JAKMIP2: variants seen among roughly 807,000 people sequenced by gnomAD.
JAKMIP2 encodes the protein janus kinase and microtubule interacting protein 2.
In JAKMIP2, 25 loss-of-function variants were observed where a neutral mutation model predicts 115.0. The observed-to-expected ratio is 0.22, with a 90% confidence interval of 0.16 to 0.30. The LOEUF is 0.30. Among genes scored for constraint, JAKMIP2 ranks in the 10% least tolerant of loss-of-function variants. The pLI, the probability that JAKMIP2 is intolerant of heterozygous loss-of-function variation, is 1.00. For missense variants in JAKMIP2, 642 were observed against 957.6 expected, an observed-to-expected ratio of 0.67 and a Z score of 4.35; for synonymous variants, 334 against 343.6, an observed-to-expected ratio of 0.97 and a Z score of 0.31.
rs941388784 is a variant in JAKMIP2, at chr5:147,588,847, A to G, written c.*2860T>C. ...TTCAAAAATTTTCAATCATTTAGAAATAGTTACTCATGGAAATAAATTTTG... is the reference window on the plus strand; with the variant it reads ...TTCAAAAATTTTCAATCATTTAGAAGTAGTTACTCATGGAAATAAATTTTG... On this transcript the variant is annotated 3_prime_UTR_variant, in exon 22 of 22. Transcript: ENST00000616793. The G allele has an allele frequency of 1.3e-5, 2 of 152,274 alleles. No homozygotes were observed. Among genetic ancestry groups the G allele is most frequent in the Middle Eastern group, 3.4e-3 (1 of 294 alleles). 9.4% of individuals were successfully genotyped at this position (152,274 alleles called of 1,614,324 possible).
At chr5:147,711,678 G>GT (rs1329628258) in intron 1 of JAKMIP2, among the ~76,000 whole-genome samples, 1 of 152,132 alleles carries the variant, frequency 6.6e-6, no homozygotes, top group Non-Finnish European at 1.5e-5. Context: ...TGTTGTTGTT[G>GT]TTTTTTGAGA....
intron 1 of JAKMIP2, among the ~76,000 whole-genome samples, chr5:147,721,989 C>A (rs1328230267): frequency 6.6e-6 from 1 of 152,148 alleles, no homozygotes; most frequent in Non-Finnish European, 1.5e-5. Flanking sequence ...TAGAGTATTT[C>A]AAAATAATTA....
intron 12 of JAKMIP2, among the ~76,000 whole-genome samples, chr5:147,635,970 A>G (rs1757597994): frequency 1.3e-5 from 2 of 152,176 alleles, no homozygotes; most frequent in Non-Finnish European, 2.9e-5. Flanking sequence ...TGGTTAGCAA[A>G]TCAGGAGGTT....
chr5:147,696,981 A>G (rs533060065), intron 1 of JAKMIP2, among the ~76,000 whole-genome samples: 8 of 152,200 alleles, frequency 5.3e-5, no homozygotes, highest in Non-Finnish European at 8.8e-5. Flanking sequence ...GAAGCAGAGC[A>G]TAAAAGTTTG....
intron 1 of JAKMIP2, among the ~76,000 whole-genome samples, chr5:147,767,317 G>C (rs80256262): frequency 0.016 from 2,423 of 152,232 alleles, 72 homozygotes; most frequent in African/African-American, 0.054. Context: ...CAGTCACAAA[G>C]TCATAAACAC....
chr5:147,664,894 G>T (rs1759217423), intron 2 of JAKMIP2, among the ~76,000 whole-genome samples: 1 of 152,078 alleles, frequency 6.6e-6, no homozygotes, highest in Non-Finnish European at 1.5e-5. Flanking sequence ...CCAGAGGCAA[G>T]AATAATATTT....
intron 1 of JAKMIP2, among the ~76,000 whole-genome samples, chr5:147,696,929 T>C (rs1053219015): frequency 2.0e-5 from 3 of 152,122 alleles, no homozygotes; most frequent in African/African-American, 7.2e-5. Context: ...TGATTTAGGG[T>C]ATCTGGCAGA....
chr5:147,663,412 A>G (rs1759135473), intron 2 of JAKMIP2, among the ~76,000 whole-genome samples: 1 of 152,180 alleles, frequency 6.6e-6, no homozygotes, highest in Non-Finnish European at 1.5e-5. Context: ...CTCTCAGCCT[A>G]CATCTTTCTC....
chr5:147,607,789 G>A (rs1756104431), intron 20 of JAKMIP2, among the ~76,000 whole-genome samples: 1 of 152,154 alleles, frequency 6.6e-6, no homozygotes, highest in Non-Finnish European at 1.5e-5. Flanking sequence ...ATTCAGCTGT[G>A]AATCCGCCTG....
intron 10 of JAKMIP2, among the ~76,000 whole-genome samples, chr5:147,639,181 C>A (rs921151961): frequency 1.2e-4 from 19 of 152,178 alleles, no homozygotes; most frequent in African/African-American, 4.3e-4. Context: ...AAAATATCTG[C>A]CTTAGGGGAC....
intron 1 of JAKMIP2, among the ~76,000 whole-genome samples, chr5:147,691,984 T>C (rs1376222444): frequency 3.9e-5 from 6 of 152,048 alleles, no homozygotes; most frequent in Non-Finnish European, 8.8e-5. Context: ...CTTCCATAGA[T>C]TCTAATCATC....
intron 1 of JAKMIP2, among the ~76,000 whole-genome samples, chr5:147,716,095 T>A (rs1354745100): frequency 6.8e-6 from 1 of 147,106 alleles, no homozygotes; most frequent in Non-Finnish European, 1.5e-5. Context: ...ATATGCAGTG[T>A]TTGGTTTTTT....
chr5:147,702,574 AAG>A (rs1242176312), intron 1 of JAKMIP2, among the ~76,000 whole-genome samples: 1 of 129,590 alleles, frequency 7.7e-6, no homozygotes, highest in African/African-American at 3.1e-5. Flanking sequence ...GAAAGAAAGA[AAG>A]AAGGAAAGAA....
intron 1 of JAKMIP2, among the ~76,000 whole-genome samples, chr5:147,701,916 C>A (rs963241336): frequency 6.6e-6 from 1 of 152,166 alleles, no homozygotes; most frequent in Non-Finnish European, 1.5e-5. Flanking sequence ...ATGGACTAAG[C>A]CACTAGTGAC....
In JAKMIP2 at chr5:147,588,481, C is replaced by G. The variant is rs1193511288; in HGVS notation, c.*3226G>C. On this transcript the variant is annotated 3_prime_UTR_variant, in exon 22 of 22. Transcript: ENST00000616793. ...GCATTCATTTAAACACGGTCCATTTCCATGGATCCATGAGTGACTGGAACA... is the reference window on the plus strand; with the variant it reads ...GCATTCATTTAAACACGGTCCATTTGCATGGATCCATGAGTGACTGGAACA... 1 of 150,956 alleles carries G rather than the reference C, an allele frequency of 6.6e-6. No homozygotes were observed. The highest frequency in any genetic ancestry group is 1.5e-5 in the Non-Finnish European group (1 of 67,914). 9.4% of individuals were successfully genotyped at this position (150,956 alleles called of 1,614,324 possible). A position where few individuals can be genotyped will look rare whatever the true frequency, so the allele number is the denominator to read the frequency against.
At chr5:147,670,360 A>G (rs1759516541) in intron 2 of JAKMIP2, among the ~76,000 whole-genome samples, 1 of 152,218 alleles carries the variant, frequency 6.6e-6, no homozygotes, top group Non-Finnish European at 1.5e-5. Context: ...TTATTGATCA[A>G]GAATGTTTTC....
chr5:147,703,583 G>A (rs374104591), intron 1 of JAKMIP2, among the ~76,000 whole-genome samples: 18 of 147,380 alleles, frequency 1.2e-4, no homozygotes, highest in Middle Eastern at 3.6e-3. Context: ...TAACCTTAGC[G>A]TACTGTAACT....
intron 2 of JAKMIP2, among the ~76,000 whole-genome samples, chr5:147,668,499 G>A (rs1289711626): frequency 3.3e-5 from 5 of 152,130 alleles, no homozygotes; most frequent in African/African-American, 9.7e-5. Flanking sequence ...GTACTGTAAC[G>A]GTACTTATGC....
chr5:147,633,843 C>A (rs1053116879), intron 12 of JAKMIP2, among the ~76,000 whole-genome samples: 1 of 150,740 alleles, frequency 6.6e-6, no homozygotes, highest in African/African-American at 2.4e-5. Flanking sequence ...GTGCCTGCCA[C>A]CAGGCCTGGC....
Sources: allele counts gnomAD v4.1 joint callset (sites outside exome capture counted in the v4.1 genomes callset), GRCh38; gene constraint gnomAD v4.1.1; transcripts MANE v1.5; gene names NCBI Gene and HGNC (gene_info 2026-07-23, HGNC 2026-07-21).